Variants in PPARGC1A observed in about 807,000 individuals in gnomAD.
PPARGC1A encodes PPARG coactivator 1 alpha.
PPARGC1A carries 25 observed loss-of-function variants against 88.7 expected under a neutral mutation model. That is an observed-to-expected ratio of 0.28 (90% confidence interval 0.21 to 0.39). The LOEUF (loss-of-function observed/expected upper bound fraction) is 0.39. Among genes scored for constraint, PPARGC1A ranks in the 10% least tolerant of loss-of-function variants. The pLI, the probability that PPARGC1A is intolerant of heterozygous loss-of-function variation, is 1.00. For missense variants in PPARGC1A, 880 were observed against 968.7 expected, an observed-to-expected ratio of 0.91 and a Z score of 1.22; for synonymous variants, 363 against 355.6, an observed-to-expected ratio of 1.02 and a Z score of -0.24.
the PPARGC1A span, among the ~76,000 whole-genome samples, chr4:24,089,815 C>CG: frequency 6.6e-6 from 1 of 152,042 alleles, no homozygotes; most frequent in African/African-American, 2.4e-5. Context: ...CGGCCTAGGA[C>CG]GCCTTTTTTC....
the PPARGC1A span, among the ~76,000 whole-genome samples, chr4:24,242,613 G>T: frequency 6.6e-6 from 1 of 152,100 alleles, no homozygotes; most frequent in Non-Finnish European, 1.5e-5. Flanking sequence ...TGATCTATCT[G>T]TCCCATAGCC....
At chr4:24,215,737 G>T in the PPARGC1A span, among the ~76,000 whole-genome samples, 1 of 152,124 alleles carries the variant, frequency 6.6e-6, no homozygotes, top group African/African-American at 2.4e-5. Flanking sequence ...AGAAGGAATG[G>T]CCAAGAAAGC....
chr4:23,814,407 C>T lies in PPARGC1A; in HGVS notation c.1076G>A (p.Ser359Asn), dbSNP rs780100899. The T allele has an allele frequency of 4.3e-6, 7 of 1,613,860 alleles. No homozygotes were observed. Among genetic ancestry groups the T allele is most frequent in the Non-Finnish European group, 4.2e-6 (5 of 1,179,940 alleles). Residue 359 changes from serine (S) to asparagine (N), a missense_variant, in exon 8 of 13, where the codon AGC becomes AAC. Ser to Asn is a conservative substitution (Grantham distance 46, BLOSUM62 1). Coordinates refer to ENST00000264867, the MANE Select transcript of PPARGC1A (RefSeq NM_013261.5). ...TCCACCAGTGAGGACTGAGGACTTG[C>T]TGAGTTGTGCATACAACTCGGATTG... ...PEQSELYAQL[S>N]KSSVLTGGHE...
chr4:24,258,403 C>G, the PPARGC1A span, among the ~76,000 whole-genome samples: 2 of 152,110 alleles, frequency 1.3e-5, no homozygotes, highest in Non-Finnish European at 2.9e-5. Flanking sequence ...TTTTGGCCTT[C>G]CCCATCACAA....
chr4:23,899,729 C>T (rs751634743), upstream of PPARGC1A, among the ~76,000 whole-genome samples: 8 of 152,056 alleles, frequency 5.3e-5, no homozygotes, highest in East Asian at 3.9e-4. Flanking sequence ...TTAACCTAGG[C>T]GGCTGCAAAT....
the PPARGC1A span, among the ~76,000 whole-genome samples, chr4:24,258,873 AT>A: frequency 1.2e-4 from 18 of 152,344 alleles, no homozygotes; most frequent in East Asian, 2.1e-3. Context: ...CATTGAAAAA[AT>A]AATCAGTATT....
chr4:23,953,396 G>A, the PPARGC1A span, among the ~76,000 whole-genome samples: 213 of 152,164 alleles, frequency 1.4e-3, no homozygotes, highest in African/African-American at 4.9e-3. Flanking sequence ...CTAGTAGAAG[G>A]TATTACTATG....
chr4:24,133,675 C>G, the PPARGC1A span, among the ~76,000 whole-genome samples: 3 of 152,124 alleles, frequency 2.0e-5, no homozygotes, highest in African/African-American at 7.2e-5. Flanking sequence ...TAACAATTTT[C>G]CTCCTTTCAT....
upstream of PPARGC1A, among the ~76,000 whole-genome samples, chr4:23,893,528 C>T (rs1718152701): frequency 6.6e-6 from 1 of 152,146 alleles, no homozygotes; most frequent in African/African-American, 2.4e-5. Flanking sequence ...CAGACTGCTG[C>T]TTCTTTCAGA....
the PPARGC1A span, among the ~76,000 whole-genome samples, chr4:24,349,967 C>G: frequency 6.6e-6 from 1 of 152,170 alleles, no homozygotes. Context: ...CAGCGAGCTC[C>G]CAGGGCCTTT....
chr4:23,811,887 G>T (rs1434619154), intron 10 of PPARGC1A, among the ~76,000 whole-genome samples: 7 of 99,854 alleles, frequency 7.0e-5, no homozygotes, highest in African/African-American at 2.6e-4. Flanking sequence ...CAGAAGAAAT[G>T]ACTTTTTTTT....
intron 2 of PPARGC1A, among the ~76,000 whole-genome samples, chr4:23,861,073 A>G (rs1731158009): frequency 6.6e-6 from 1 of 152,222 alleles, no homozygotes; most frequent in Non-Finnish European, 1.5e-5. Context: ...TAAGTACAAC[A>G]TATTTCAAAC....
chr4:24,262,184 G>A, the PPARGC1A span, among the ~76,000 whole-genome samples: 1 of 152,094 alleles, frequency 6.6e-6, no homozygotes, highest in South Asian at 2.1e-4. Flanking sequence ...AGTGCTTCTG[G>A]GCCCGTGGTA....
the PPARGC1A span, among the ~76,000 whole-genome samples, chr4:24,279,112 C>A: frequency 1.6e-4 from 25 of 152,318 alleles, no homozygotes; most frequent in African/African-American, 4.3e-4. Flanking sequence ...ACCTTTTTGG[C>A]CTTCCAATTC....
chr4:24,435,479 A>G, the PPARGC1A span, among the ~76,000 whole-genome samples: 14 of 152,236 alleles, frequency 9.2e-5, no homozygotes, highest in East Asian at 1.4e-3. Flanking sequence ...GATCTCACCT[A>G]GATCATGGCT....
the PPARGC1A span, among the ~76,000 whole-genome samples, chr4:24,267,121 G>A: frequency 6.6e-6 from 1 of 152,140 alleles, no homozygotes; most frequent in Non-Finnish European, 1.5e-5. Context: ...CACTGATTAT[G>A]GGATTATTCA....
chr4:24,181,676 A>T, the PPARGC1A span, among the ~76,000 whole-genome samples: 1 of 152,164 alleles, frequency 6.6e-6, no homozygotes, highest in Non-Finnish European at 1.5e-5. Context: ...CATACAGTAG[A>T]TGTCAGAATG....
chr4:23,894,853 C>T (rs577247615), upstream of PPARGC1A, among the ~76,000 whole-genome samples: 6 of 152,110 alleles, frequency 3.9e-5, no homozygotes, highest in East Asian at 9.6e-4. Context: ...ATGTTCAACT[C>T]GGTTGTATTT....
the PPARGC1A span, among the ~76,000 whole-genome samples, chr4:24,427,191 T>C: frequency 6.6e-6 from 1 of 152,218 alleles, no homozygotes; most frequent in Admixed American, 6.5e-5. Flanking sequence ...TCACTTGTAT[T>C]TCTTTTCTGC....
Sources: gnomAD v4.1 joint callset for allele counts (sites outside exome capture counted in the v4.1 genomes callset) on GRCh38, gnomAD v4.1.1 for gene constraint, MANE v1.5 for transcripts, NCBI Gene and HGNC (gene_info 2026-07-23, HGNC 2026-07-21) for gene names.